SGCZ: variants seen among roughly 807,000 people sequenced by gnomAD.
The protein encoded by SGCZ is sarcoglycan zeta, also known as zeta-sarcoglycan.
SGCZ carries 40 observed loss-of-function variants against 41.3 expected under a neutral mutation model. The ratio of observed to expected loss-of-function variants is 0.97; its 90% CI spans 0.75 to 1.26. The LOEUF (loss-of-function observed/expected upper bound fraction) is 1.26, where lower values mean the gene tolerates loss of function less well. SGCZ is among the 50% of genes most tolerant of loss of function. The pLI, the probability that SGCZ is intolerant of heterozygous loss-of-function variation, is 0.00. For synonymous variants in SGCZ, 206 were observed against 137.5 expected, an observed-to-expected ratio of 1.50 and a Z score of -3.49; for missense variants, 552 against 369.8, an observed-to-expected ratio of 1.49 and a Z score of -4.04.
intron 3 of SGCZ, among the ~76,000 whole-genome samples, chr8:14,297,518 C>G (rs1393312558): frequency 6.6e-6 from 1 of 151,020 alleles, no homozygotes; most frequent in Non-Finnish European, 1.5e-5. Context: ...GAAAGTAACA[C>G]AGAAGAAAAA....
intron 2 of SGCZ, among the ~76,000 whole-genome samples, chr8:14,447,927 G>C (rs1225999200): frequency 3.3e-5 from 5 of 152,126 alleles, no homozygotes; most frequent in Non-Finnish European, 7.4e-5. Context: ...TATGGAAAAT[G>C]TGCTTGTACT....
At chr8:15,076,173 T>C (rs1805523318) in intron 1 of SGCZ, among the ~76,000 whole-genome samples, 1 of 152,224 alleles carries the variant, frequency 6.6e-6, no homozygotes, top group African/African-American at 2.4e-5. Context: ...CCATTTTTTA[T>C]GGCCATTCTT....
chr8:15,066,666 C>A (rs959057766), intron 1 of SGCZ, among the ~76,000 whole-genome samples: 1 of 152,074 alleles, frequency 6.6e-6, no homozygotes, highest in Non-Finnish European at 1.5e-5. Context: ...TTAAAATATT[C>A]TTTTTACATT....
At chr8:14,832,028 G>C (rs1206494430) in intron 1 of SGCZ, among the ~76,000 whole-genome samples, 2 of 152,008 alleles carry the variant, frequency 1.3e-5, no homozygotes, top group African/African-American at 4.8e-5. Flanking sequence ...TTATAATCTA[G>C]CAACAGAAAC....
At position 14,092,178 on chromosome 8, in the gene SGCZ, G is replaced by A. The variant is rs185796358; in HGVS notation, c.745-1541C>T. On this transcript the variant is annotated intron_variant, in intron 7 of 7. Coordinates refer to ENST00000382080, the MANE Select transcript of SGCZ (RefSeq NM_139167.4). ...CTCTGTTCTGTTCCATTGGTCTATA[G>A]ATCAGTTTTGGTACCAGGACTATGC... 7.9e-5 allele frequency among the ~76,000 whole-genome samples: 12 copies of A among 152,016 alleles called. No homozygotes were observed. In the East Asian group the frequency reaches 2.3e-3, roughly 30 times the overall value.
intron 4 of SGCZ, among the ~76,000 whole-genome samples, chr8:14,219,904 T>C (rs1806133887): frequency 6.6e-6 from 1 of 152,200 alleles, no homozygotes; most frequent in Admixed American, 6.5e-5. Flanking sequence ...AAAATGCTTT[T>C]CAAGAGTTCT....
intron 2 of SGCZ, among the ~76,000 whole-genome samples, chr8:14,345,834 C>T (rs560118493): frequency 6.6e-6 from 1 of 152,070 alleles, no homozygotes; most frequent in Non-Finnish European, 1.5e-5. Context: ...TACTGTGTGA[C>T]TTGATCAAAT....
chr8:14,404,060 A>C (rs1266142668), intron 2 of SGCZ, among the ~76,000 whole-genome samples: 1 of 152,174 alleles, frequency 6.6e-6, no homozygotes, highest in African/African-American at 2.4e-5. Flanking sequence ...ATCTTACCTG[A>C]GTATCACGAA....
chr8:14,177,141 G>T (rs140498873), intron 4 of SGCZ, among the ~76,000 whole-genome samples: 1 of 152,240 alleles, frequency 6.6e-6, no homozygotes, highest in East Asian at 1.9e-4. Flanking sequence ...GGGTGGAGTT[G>T]CCTCGCTGCT....
chr8:15,015,435 C>T (rs904932933), intron 1 of SGCZ, among the ~76,000 whole-genome samples: 3 of 151,554 alleles, frequency 2.0e-5, no homozygotes, highest in Non-Finnish European at 4.4e-5. Context: ...CACGGTGGCT[C>T]ACACTTGTAA....
intron 2 of SGCZ, among the ~76,000 whole-genome samples, chr8:14,389,089 T>C (rs1011044593): frequency 6.6e-6 from 1 of 152,102 alleles, no homozygotes; most frequent in African/African-American, 2.4e-5. Flanking sequence ...AATAGATTCA[T>C]TCATAGAAGA....
intron 1 of SGCZ, among the ~76,000 whole-genome samples, chr8:14,817,432 A>C (rs1335085026): frequency 1.3e-5 from 2 of 152,170 alleles, no homozygotes; most frequent in Admixed American, 6.5e-5. Flanking sequence ...GCTTCAGAGT[A>C]GGAGGCCAAC....
chr8:14,262,529 G>T (rs186023110), intron 3 of SGCZ, among the ~76,000 whole-genome samples: 1 of 151,950 alleles, frequency 6.6e-6, no homozygotes, highest in Non-Finnish European at 1.5e-5. Context: ...GGAATAATTA[G>T]AGCAATTCAG....
At chr8:14,457,897 G>A (rs1800794795) in intron 2 of SGCZ, among the ~76,000 whole-genome samples, 1 of 152,124 alleles carries the variant, frequency 6.6e-6, no homozygotes, top group South Asian at 2.1e-4. Flanking sequence ...TGGTGGTAGT[G>A]GTCCCCGGGG....
intron 1 of SGCZ, among the ~76,000 whole-genome samples, chr8:14,557,994 G>C (rs1279976518): frequency 1.3e-5 from 2 of 152,070 alleles, no homozygotes; most frequent in African/African-American, 4.8e-5. Flanking sequence ...CAATACACCT[G>C]ACATCACAGA....
chr8:15,173,711 T>C (rs1264232805), intron 1 of SGCZ, among the ~76,000 whole-genome samples: 1 of 152,138 alleles, frequency 6.6e-6, no homozygotes, highest in Non-Finnish European at 1.5e-5. Context: ...CATCAGGCAG[T>C]TTTTAATTGG....
At chr8:14,404,288 T>A (rs528741339) in intron 2 of SGCZ, among the ~76,000 whole-genome samples, 4 of 152,192 alleles carry the variant, frequency 2.6e-5, no homozygotes, top group Admixed American at 6.5e-5. Flanking sequence ...TCTTTAAGGA[T>A]TATATTATGC....
chr8:15,120,589 T>C (rs1456366781), intron 1 of SGCZ, among the ~76,000 whole-genome samples: 2 of 152,222 alleles, frequency 1.3e-5, no homozygotes, highest in Non-Finnish European at 2.9e-5. Context: ...GTTAGCAATC[T>C]GGTATTAAGG....
chr8:14,631,696 T>C (rs1330442436), intron 1 of SGCZ, among the ~76,000 whole-genome samples: 1 of 152,108 alleles, frequency 6.6e-6, no homozygotes, highest in Non-Finnish European at 1.5e-5. Flanking sequence ...TTGACTCTCA[T>C]GGTGAGGATA....
Sources: gnomAD v4.1 joint callset for allele counts (sites outside exome capture counted in the v4.1 genomes callset) on GRCh38, gnomAD v4.1.1 for gene constraint, MANE v1.5 for transcripts, NCBI Gene and HGNC (gene_info 2026-07-23, HGNC 2026-07-21) for gene names.